The following CUL1 variants were observed in gnomAD, a reference collection of about 807,000 sequenced individuals.
CUL1 encodes cullin-1.
CUL1 carries 24 observed loss-of-function variants against 118.0 expected under a neutral mutation model. The ratio of observed to expected loss-of-function variants is 0.20; its 90% CI spans 0.15 to 0.29. The LOEUF (loss-of-function observed/expected upper bound fraction) is 0.29. Ranked by LOEUF, CUL1 falls within the 10% of genes least tolerant of loss-of-function variation. The pLI is 1.00. For missense variants in CUL1, 361 were observed against 933.8 expected, an observed-to-expected ratio of 0.39 and a Z score of 7.99; for synonymous variants, 332 against 340.4, an observed-to-expected ratio of 0.98 and a Z score of 0.27.
chr7:148,746,591 T>C (rs544742249), intron 2 of CUL1, among the ~76,000 whole-genome samples: 2 of 152,228 alleles, frequency 1.3e-5, no homozygotes, highest in South Asian at 4.1e-4. Context: ...AACACAGACA[T>C]CCTTAGTAAG....
intron 2 of CUL1, among the ~76,000 whole-genome samples, chr7:148,748,093 G>T (rs1295165908): frequency 6.6e-6 from 1 of 152,046 alleles, no homozygotes; most frequent in Non-Finnish European, 1.5e-5. Context: ...AGAGCTATAA[G>T]GGAACAAGTA....
At chr7:148,707,287 G>A (rs243538) in intron 1 of CUL1, among the ~76,000 whole-genome samples, 38,926 of 152,038 alleles carry the variant, frequency 0.26, 5,470 homozygotes, top group South Asian at 0.39. Context: ...TGTGGGAAGT[G>A]CCATAGAGGC....
chr7:148,750,554 G>A (rs561759916), intron 2 of CUL1, among the ~76,000 whole-genome samples: 12 of 152,152 alleles, frequency 7.9e-5, no homozygotes, highest in Admixed American at 2.0e-4. Flanking sequence ...GCAGTGTTTG[G>A]TTTTCTGTCC....
chr7:148,737,576 A>ATATT (rs200912415), intron 2 of CUL1, among the ~76,000 whole-genome samples: 17,918 of 126,792 alleles, frequency 0.14, 1,426 homozygotes, highest in South Asian at 0.25. Context: ...ATATATTTTT[A>ATATT]TATTTATTTA....
At chr7:148,778,070 C>CAAAAAAAAAAAAAAA (rs1203417069) in intron 9 of CUL1, among the ~76,000 whole-genome samples, 57 of 13,752 alleles carry the variant, frequency 4.1e-3, no homozygotes, top group Non-Finnish European at 5.4e-3. Context: ...GACCCTGTCT[C>CAAAAAAAAAAAAAAA]AAAAAAAAAA....
intron 11 of CUL1, 21 bp from the exon 12 acceptor site, chr7:148,786,530 G>T: frequency 6.3e-7 from 1 of 1,599,116 alleles, no homozygotes; most frequent in South Asian, 1.1e-5. Context: ...TTAAAACATG[G>T]TATCTTTTTA....
At chr7:148,767,818 T>C (rs548784091) in intron 9 of CUL1, 69 bp downstream of exon 9, 1 of 1,472,048 alleles carries the variant, frequency 6.8e-7, no homozygotes, top group South Asian at 1.2e-5. Context: ...GCATATGTTA[T>C]GCGTCTCTAC....
chr7:148,706,575 G>A (rs1255809410), intron 1 of CUL1, among the ~76,000 whole-genome samples: 2 of 150,594 alleles, frequency 1.3e-5, no homozygotes, highest in African/African-American at 4.9e-5. Context: ...GAAGGGTTAG[G>A]AATGCTGAAG....
intron 1 of CUL1, among the ~76,000 whole-genome samples, chr7:148,702,664 G>C (rs916891333): frequency 2.0e-5 from 3 of 152,100 alleles, no homozygotes; most frequent in Non-Finnish European, 2.9e-5. Flanking sequence ...TTCCATTCTG[G>C]ATCTGACTCT....
At chr7:148,723,917 A>G (rs922722130) in intron 1 of CUL1, among the ~76,000 whole-genome samples, 3 of 151,994 alleles carry the variant, frequency 2.0e-5, no homozygotes, top group African/African-American at 7.2e-5. Flanking sequence ...AAGATGTTTT[A>G]TACTGTGTTT....
chr7:148,760,074 T>C (rs1357660724), intron 6 of CUL1, among the ~76,000 whole-genome samples: 1 of 152,224 alleles, frequency 6.6e-6, no homozygotes, highest in South Asian at 2.1e-4. Flanking sequence ...ACAAAAGTTC[T>C]CTAAAGGAAC....
intron 9 of CUL1, among the ~76,000 whole-genome samples, chr7:148,779,457 A>G (rs1446301546): frequency 6.6e-6 from 1 of 152,188 alleles, no homozygotes; most frequent in Admixed American, 6.5e-5. Flanking sequence ...AGTGTTTGAG[A>G]TGGAGAAAAG....
At chr7:148,761,239 G>A (rs1335290472) in intron 7 of CUL1, among the ~76,000 whole-genome samples, 1 of 152,154 alleles carries the variant, frequency 6.6e-6, no homozygotes, top group Admixed American at 6.5e-5. Flanking sequence ...TGGGCGTGGT[G>A]GCTCATGCCT....
At chr7:148,725,684 A>C (rs1269195113) in intron 1 of CUL1, among the ~76,000 whole-genome samples, 1 of 152,208 alleles carries the variant, frequency 6.6e-6, no homozygotes, top group Non-Finnish European at 1.5e-5. Context: ...GCTGCCCAGC[A>C]TGTGTGTGAC....
chr7:148,729,983 A>G lies in CUL1; in HGVS notation c.-140A>G. The G allele has an allele frequency of 5.2e-6, 5 of 965,544 alleles. 1 individual carries two copies. In the Admixed American group the frequency reaches 1.0e-4, roughly 19 times the overall value. 59.8% of individuals were successfully genotyped at this position (965,544 alleles called of 1,614,324 possible). On this transcript the variant is annotated 5_prime_UTR_variant, in exon 2 of 22. Coordinates refer to ENST00000325222, the MANE Select transcript of CUL1 (RefSeq NM_003592.3). The stretch of plus-strand genomic sequence containing the variant: ...TCAGGTTTGCCTGCAATGAGATTTC[A>G]TTCTCTACATTTAAAGGACATCCTT...
chr7:148,746,738 A>G (rs1203360282), intron 2 of CUL1, among the ~76,000 whole-genome samples: 1 of 152,236 alleles, frequency 6.6e-6, no homozygotes, highest in African/African-American at 2.4e-5. Context: ...ATTCTTTAGT[A>G]AGTAAAAGTA....
In CUL1 at chr7:148,705,009, C is replaced by T. The variant is rs1247534156; in HGVS notation, c.-162+5980C>T. On this transcript the variant is annotated intron_variant, in intron 1 of 21. Coordinates refer to ENST00000325222, the MANE Select transcript of CUL1 (RefSeq NM_003592.3). ...GCCCCTTTCCAGGTGTGTTGATGCACAGGGTTAAATATCTGACTTCCGTTG... is the reference window on the plus strand; with the variant it reads ...GCCCCTTTCCAGGTGTGTTGATGCATAGGGTTAAATATCTGACTTCCGTTG... Among the ~76,000 whole-genome samples the T allele has an allele frequency of 4.6e-5, 7 of 152,208 alleles. No individual in the cohort carries two copies. In the East Asian group the frequency reaches 1.3e-3, roughly 29 times the overall value.
At chr7:148,722,955 A>G (rs114633563) in intron 1 of CUL1, among the ~76,000 whole-genome samples, 2,050 of 152,268 alleles carry the variant, frequency 0.013, 56 homozygotes, top group African/African-American at 0.045. Context: ...CACAGCCCAC[A>G]TGCTCAAGGT....
intron 2 of CUL1, among the ~76,000 whole-genome samples, chr7:148,747,042 C>T (rs78254378): frequency 1.2e-4 from 18 of 152,218 alleles, no homozygotes; most frequent in African/African-American, 4.3e-4. Flanking sequence ...TGATGATTTC[C>T]CTGTGATAAA....
Sources: gnomAD v4.1 joint callset for allele counts (sites outside exome capture counted in the v4.1 genomes callset) on GRCh38, gnomAD v4.1.1 for gene constraint, MANE v1.5 for transcripts, NCBI Gene and HGNC (gene_info 2026-07-23, HGNC 2026-07-21) for gene names.